Variants in DCAF7 observed in about 807,000 individuals in gnomAD.
The protein encoded by DCAF7 is DDB1- and CUL4-associated factor 7.
DCAF7 carries 4 observed loss-of-function variants against 41.2 expected under a neutral mutation model. The observed-to-expected ratio is 0.10, with a 90% CI of 0.05 to 0.22. DCAF7 has a LOEUF of 0.22. Among genes scored for constraint, DCAF7 ranks in the 10% least tolerant of loss-of-function variants. The pLI is 1.00. For synonymous variants in DCAF7, 143 were observed against 164.2 expected, an observed-to-expected ratio of 0.87 and a Z score of 0.99; for missense variants, 131 against 443.2, an observed-to-expected ratio of 0.30 and a Z score of 6.32.
At chr17:63,583,117 A>G (rs2033641541) in intron 4 of DCAF7, among the ~76,000 whole-genome samples, 1 of 152,192 alleles carries the variant, frequency 6.6e-6, no homozygotes, top group South Asian at 2.1e-4. Flanking sequence ...CTAGGCCTTA[A>G]TGAGCTCGTA....
chr17:63,583,383 A>C (rs1308627211), intron 4 of DCAF7, 119 bp from the exon 5 acceptor site: 4 of 899,312 alleles, frequency 4.4e-6, no homozygotes, highest in Non-Finnish European at 7.2e-6. Context: ...TTTGGGCTTC[A>C]TTTATCTGCT....
intron 4 of DCAF7, among the ~76,000 whole-genome samples, chr17:63,580,238 A>C (rs1301783838): frequency 1.3e-5 from 2 of 152,126 alleles, no homozygotes; most frequent in Non-Finnish European, 2.9e-5. Flanking sequence ...CTGGGAACTG[A>C]TGTGATTAAA....
intron 6 of DCAF7, among the ~76,000 whole-genome samples, chr17:63,586,446 C>A (rs1011876224): frequency 6.6e-6 from 1 of 151,888 alleles, no homozygotes; most frequent in Non-Finnish European, 1.5e-5. Flanking sequence ...CCAAGCAAGA[C>A]CCTGCCTCTA....
At chr17:63,566,037 G>T (rs921788550) in intron 1 of DCAF7, among the ~76,000 whole-genome samples, 7 of 152,092 alleles carry the variant, frequency 4.6e-5, no homozygotes, top group African/African-American at 9.7e-5. Context: ...GGAGGCAGAA[G>T]TTGCAATGAG....
In DCAF7 at chr17:63,583,285, G is replaced by A. The variant is rs2033643217; in HGVS notation, c.529-217G>A. Among the ~76,000 whole-genome samples the A allele has an allele frequency of 4.6e-5, 7 of 152,332 alleles. No individual in the cohort carries two copies. In the South Asian group the frequency reaches 1.4e-3, roughly 32 times the overall value. On this transcript the variant is annotated intron_variant, in intron 4 of 6. Coordinates refer to ENST00000614556, the MANE Select transcript of DCAF7 (RefSeq NM_005828.5). ...TTGGAAAGCAGGAATGTGGGAAGAA[G>A]CCAGCCAATTTCTATAGCAGAATGA...
chr17:63,553,038 A>G (rs1005758629), intron 1 of DCAF7, among the ~76,000 whole-genome samples: 1 of 152,122 alleles, frequency 6.6e-6, no homozygotes, highest in African/African-American at 2.4e-5. Context: ...ATACCAATAG[A>G]CCCCTTCTCA....
chr17:63,560,744 G>A (rs1038595769), intron 1 of DCAF7, among the ~76,000 whole-genome samples: 1 of 152,014 alleles, frequency 6.6e-6, no homozygotes, highest in Non-Finnish European at 1.5e-5. Flanking sequence ...TAATAAAAAA[G>A]CTAACATTAA....
rs780673002 is a variant in DCAF7 at position 63,583,507 on chromosome 17, T to C, written c.534T>C (p.Tyr178=). ...AGCTTCTTGTTCACCAACAGGTCTA[T>C]GATATTGCATTTAGCCGGGCCGGGG... ...TQLIAHDKEV[Y]DIAFSRAGGG... Residue 178 remains tyrosine (Y), a synonymous_variant, in exon 5 of 7, where the codon TAT becomes TAC. Coordinates refer to ENST00000614556, the MANE Select transcript of DCAF7 (RefSeq NM_005828.5). 12 of 1,613,628 alleles carry C rather than the reference T, an allele frequency of 7.4e-6. No homozygotes were observed. The East Asian group carries it at 2.7e-4, about 36-fold the overall frequency.
intron 1 of DCAF7, among the ~76,000 whole-genome samples, chr17:63,555,218 A>G (rs577758230): frequency 1.3e-5 from 2 of 152,334 alleles, no homozygotes; most frequent in South Asian, 4.1e-4. Context: ...TTTGATAAAG[A>G]TGGCAGTGTG....
Position 63,589,138 on chromosome 17 carries a change from G to T in DCAF7, c.995G>T (p.Cys332Phe), listed in dbSNP as rs1459054523. 1 of 1,614,016 alleles carries T rather than the reference G, an allele frequency of 6.2e-7. No homozygotes were observed. The highest frequency in any genetic ancestry group is 2.2e-5 in the East Asian group (1 of 44,886). ...ACTCAGCCCGACTGGATCGCCATCT[G>T]CTACAACAACTGCCTGGAGATACTC... ...ASTQPDWIAI[C>F]YNNCLEILRV is the part of the protein sequence containing the mutation. The change falls in exon 7 of 7, where the codon TGC becomes TTC. Residue 332 changes from cysteine to phenylalanine, a missense_variant. Cys to Phe is a radical substitution (Grantham distance 205). Coordinates refer to ENST00000614556, the MANE Select transcript of DCAF7 (RefSeq NM_005828.5).
In DCAF7 at chr17:63,585,343, G is replaced by T; in HGVS notation, c.856+15G>T. Reference sequence around the variant, plus strand: ...CTGCACTGCAGGTAATCATGGTGGGGAGAAAGAAATCTGGGAAGGATGGAG... The same window carrying T: ...CTGCACTGCAGGTAATCATGGTGGGTAGAAAGAAATCTGGGAAGGATGGAG... On this transcript the variant is annotated intron_variant, in intron 6 of 6. Coordinates refer to ENST00000614556, the MANE Select transcript of DCAF7 (RefSeq NM_005828.5). The T allele has an allele frequency of 3.1e-6, 5 of 1,604,804 alleles. No individual in the cohort carries two copies. The highest frequency in any genetic ancestry group is 4.3e-6 in the Non-Finnish European group (5 of 1,171,702).
chr17:63,572,253 T>C (rs1446556845), intron 1 of DCAF7, among the ~76,000 whole-genome samples: 1 of 152,196 alleles, frequency 6.6e-6, no homozygotes, highest in East Asian at 1.9e-4. Context: ...GGAAACAAGA[T>C]GAGCAGAGTT....
chr17:63,553,801 C>A (rs1472430227), intron 1 of DCAF7, among the ~76,000 whole-genome samples: 4 of 152,174 alleles, frequency 2.6e-5, no homozygotes, highest in African/African-American at 9.7e-5. Context: ...AGAATTAAGT[C>A]TATCAACAGT....
In DCAF7 at chr17:63,592,501, T is replaced by A. The variant is rs1484500680; in HGVS notation, c.*3329T>A. 6.6e-6 allele frequency: 1 copy of A among 152,076 alleles called. No individual in the cohort carries two copies. Among genetic ancestry groups the A allele is most frequent in the Non-Finnish European group, 1.5e-5 (1 of 68,008 alleles). 9.4% of individuals were successfully genotyped at this position (152,076 alleles called of 1,614,324 possible). The stretch of plus-strand genomic sequence containing the variant: ...TAAGATTCAGGAAGAAACAAAAAAT[T>A]CAGAATCCTACAAGGTTTTGATGAC... On this transcript the variant is annotated 3_prime_UTR_variant, in exon 7 of 7. Coordinates refer to ENST00000614556, the MANE Select transcript of DCAF7 (RefSeq NM_005828.5).
chr17:63,567,507 T>A (rs886154039), intron 1 of DCAF7, among the ~76,000 whole-genome samples: 1 of 152,194 alleles, frequency 6.6e-6, no homozygotes, highest in African/African-American at 2.4e-5. Context: ...TTGTAAGTAG[T>A]ACAATCTTGA....
intron 5 of DCAF7, among the ~76,000 whole-genome samples, chr17:63,584,251 C>T (rs1285247621): frequency 6.6e-6 from 1 of 152,164 alleles, no homozygotes; most frequent in Non-Finnish European, 1.5e-5. Context: ...AGGTGGATCA[C>T]GAGGTCAAGA....
At chr17:63,556,894 A>G (rs2033316967) in intron 1 of DCAF7, among the ~76,000 whole-genome samples, 1 of 152,054 alleles carries the variant, frequency 6.6e-6, no homozygotes, top group Admixed American at 6.6e-5. Context: ...TGGGAGTGGT[A>G]GCATGCACCT....
At chr17:63,581,070 A>C (rs1037119922) in intron 4 of DCAF7, among the ~76,000 whole-genome samples, 2 of 152,184 alleles carry the variant, frequency 1.3e-5, no homozygotes, top group Non-Finnish European at 2.9e-5. Flanking sequence ...TATCATTCTT[A>C]GTAAGGGGTT....
At chr17:63,563,055 G>A (rs1214700650) in intron 1 of DCAF7, among the ~76,000 whole-genome samples, 1 of 151,998 alleles carries the variant, frequency 6.6e-6, no homozygotes, top group Non-Finnish European at 1.5e-5. Context: ...TGAACTCTGG[G>A]CTCAAGCAAT....
Sources: allele counts gnomAD v4.1 joint callset (sites outside exome capture counted in the v4.1 genomes callset), GRCh38; gene constraint gnomAD v4.1.1; transcripts MANE v1.5; gene names NCBI Gene and HGNC (gene_info 2026-07-23, HGNC 2026-07-21).